Variants in FBXW10B observed in about 807,000 individuals in gnomAD.
FBXW10B encodes the protein F-box and WD repeat domain containing 10B.
the FBXW10B span, among the ~76,000 whole-genome samples, chr17:15,618,063 C>T: frequency 6.6e-6 from 1 of 152,206 alleles, no homozygotes; most frequent in African/African-American, 2.4e-5. Context: ...AGTGCAGTGG[C>T]TCACGCCTGT....
At chr17:15,585,707 T>C in the FBXW10B span, among the ~76,000 whole-genome samples, 6 of 152,190 alleles carry the variant, frequency 3.9e-5, no homozygotes, top group African/African-American at 1.4e-4. Context: ...CTAATTTTTT[T>C]CAAAACACTC....
At chr17:15,585,365 C>T in the FBXW10B span, among the ~76,000 whole-genome samples, 1 of 152,236 alleles carries the variant, frequency 6.6e-6, no homozygotes, top group East Asian at 1.9e-4. Flanking sequence ...ATTTCTCAAC[C>T]TAATCTCCAT....
the FBXW10B span, among the ~76,000 whole-genome samples, chr17:15,570,916 C>G: frequency 6.6e-6 from 1 of 152,138 alleles, no homozygotes; most frequent in South Asian, 2.1e-4. Context: ...AAAACTTCTG[C>G]TCTTCAGAAG....
chr17:15,567,303 A>G, the FBXW10B span, among the ~76,000 whole-genome samples: 1 of 151,134 alleles, frequency 6.6e-6, no homozygotes, highest in Non-Finnish European at 1.5e-5. Context: ...TGAAATCAAG[A>G]TGTCAAAATC....
chr17:15,615,160 G>A, the FBXW10B span, among the ~76,000 whole-genome samples: 3 of 151,366 alleles, frequency 2.0e-5, no homozygotes, highest in Non-Finnish European at 2.9e-5. Flanking sequence ...CTTACCAGCT[G>A]TGAGAATTAG....
At chr17:15,604,489 G>A in the FBXW10B span, among the ~76,000 whole-genome samples, 19 of 152,276 alleles carry the variant, frequency 1.2e-4, no homozygotes, top group Admixed American at 2.6e-4. Context: ...CCTGAGTAAT[G>A]GACGCATGAG....
At chr17:15,599,173 C>CAAAAAAAAA in the FBXW10B span, among the ~76,000 whole-genome samples, 18 of 69,188 alleles carry the variant, frequency 2.6e-4, no homozygotes, top group African/African-American at 9.1e-4. Context: ...GACTCTGTCT[C>CAAAAAAAAA]AAAAAAAAAA....
chr17:15,588,142 C>T, the FBXW10B span, among the ~76,000 whole-genome samples: 4 of 152,190 alleles, frequency 2.6e-5, no homozygotes, highest in East Asian at 7.7e-4. Flanking sequence ...GTTTCATTTG[C>T]ATAAATAACA....
chr17:15,572,642 T>C, the FBXW10B span: 1 of 151,258 alleles, frequency 6.6e-6, no homozygotes, highest in Admixed American at 6.6e-5. Context: ...TACAGAACAA[T>C]TGGGAGAGAG....
At chr17:15,601,331 C>T in the FBXW10B span, among the ~76,000 whole-genome samples, 3 of 148,080 alleles carry the variant, frequency 2.0e-5, no homozygotes, top group Non-Finnish European at 4.4e-5. Flanking sequence ...ATGGCGTGAA[C>T]CCAGGAGGCG....
chr17:15,610,615 C>T, the FBXW10B span, among the ~76,000 whole-genome samples: 2 of 152,196 alleles, frequency 1.3e-5, no homozygotes, highest in Non-Finnish European at 2.9e-5. Context: ...ACTGTCTGTT[C>T]TTTCTGGCTG....
chr17:15,592,138 C>G, the FBXW10B span, among the ~76,000 whole-genome samples: 2 of 152,132 alleles, frequency 1.3e-5, no homozygotes, highest in South Asian at 4.1e-4. Flanking sequence ...CCTTAACCAA[C>G]AGCATAAACT....
the FBXW10B span, among the ~76,000 whole-genome samples, chr17:15,595,992 C>T: frequency 1.9e-4 from 28 of 150,892 alleles, 1 homozygote; most frequent in South Asian, 5.9e-3. Context: ...AATTTTCCTG[C>T]TTCAGCCTCC....
the FBXW10B span, among the ~76,000 whole-genome samples, chr17:15,601,226 G>T: frequency 1.4e-5 from 2 of 145,366 alleles, no homozygotes; most frequent in Admixed American, 1.4e-4. Flanking sequence ...TGGCTAACAC[G>T]GTGAAACCCC....
At chr17:15,600,233 GTACT>G in the FBXW10B span, among the ~76,000 whole-genome samples, 3 of 143,960 alleles carry the variant, frequency 2.1e-5, no homozygotes, top group African/African-American at 7.9e-5. Flanking sequence ...AAAAAAAAAT[GTACT>G]TACTTCACAG....
the FBXW10B span, among the ~76,000 whole-genome samples, chr17:15,605,644 A>G: frequency 3.3e-5 from 5 of 152,222 alleles, no homozygotes; most frequent in Non-Finnish European, 7.3e-5. Context: ...TTTAAAAACT[A>G]GAGACACAAG....
chr17:15,585,389 C>T, the FBXW10B span, among the ~76,000 whole-genome samples: 1 of 152,200 alleles, frequency 6.6e-6, no homozygotes, highest in Non-Finnish European at 1.5e-5. Context: ...GGTCAAGACA[C>T]TTTGGTAAGC....
the FBXW10B span, among the ~76,000 whole-genome samples, chr17:15,603,674 A>G: frequency 5.9e-5 from 9 of 151,390 alleles, no homozygotes; most frequent in Non-Finnish European, 1.3e-4. Flanking sequence ...ACTCCTTCCT[A>G]GAAATTCCCA....
At chr17:15,578,067 A>G in the FBXW10B span, among the ~76,000 whole-genome samples, 1 of 151,118 alleles carries the variant, frequency 6.6e-6, no homozygotes, top group African/African-American at 2.5e-5. Flanking sequence ...CATACAAAAG[A>G]TGGAGAGAAG....
Sources: allele counts gnomAD v4.1 joint callset (sites outside exome capture counted in the v4.1 genomes callset), GRCh38; gene constraint gnomAD v4.1.1; transcripts MANE v1.5; gene names NCBI Gene and HGNC (gene_info 2026-07-23, HGNC 2026-07-21).